Variants in ZNF148 observed in about 807,000 individuals in gnomAD.
ZNF148 encodes zinc finger protein 148.
ZNF148 carries 7 observed loss-of-function variants against 67.7 expected under a neutral mutation model. The observed-to-expected ratio is 0.10, with a 90% CI of 0.06 to 0.19. The LOEUF is 0.19. Among genes scored for constraint, ZNF148 ranks in the 10% least tolerant of loss-of-function variants. ZNF148 has a pLI of 1.00. For synonymous variants in ZNF148, 333 were observed against 330.7 expected (o/e 1.01, Z -0.08); for missense variants, 583 against 947.1 (o/e 0.62, Z 5.05).
Position 125,268,707 on chromosome 3 carries a change from T to C in ZNF148, c.667+9019A>G, listed in dbSNP as rs1170523963. ...ACAATGAAAACTGACAGGCAGGACA[T>C]AGTGGTTCATACCTGCAATCCTAGC... On this transcript the variant is annotated intron_variant, in intron 7 of 8. Transcript: ENST00000360647. Among the ~76,000 whole-genome samples, 9 of 152,160 alleles carry C rather than the reference T, an allele frequency of 5.9e-5. No individual in the cohort carries two copies. The South Asian group carries it at 8.3e-4, about 14-fold the overall frequency.
At position 125,233,076 on chromosome 3, in the gene ZNF148, G is replaced by A. The variant is rs1935928586; in HGVS notation, c.1650C>T (p.His550=). 6.2e-7 allele frequency: 1 copy of A among 1,613,364 alleles called. No homozygotes were observed. The highest frequency in any genetic ancestry group is 8.5e-7 in the Non-Finnish European group (1 of 1,179,856). ...VLQTLLDHYS[H]KANGQHEISF... ...ATATCTCATGCTGTCCATTAGCTTTGTGGGAATAATGATCCAACAGAGTCT... is the reference window on the plus strand; with the variant it reads ...ATATCTCATGCTGTCCATTAGCTTTATGGGAATAATGATCCAACAGAGTCT... The change falls in exon 9 of 9, where the codon CAC becomes CAT. Residue 550 remains histidine (H), a synonymous_variant. Transcript: ENST00000360647. This position sits in a 1 kb window ranked among gnomAD's most constrained non-coding sequence, Gnocchi z 5.1.
intron 1 of ZNF148, among the ~76,000 whole-genome samples, chr3:125,346,373 A>AAGT (rs1941942688): frequency 1.3e-5 from 2 of 151,704 alleles, no homozygotes; most frequent in Admixed American, 6.6e-5. Context: ...TTCAAAAGTA[A>AAGT]AATAAGTGCT....
chr3:125,310,042 AAC>A (rs1940114297), intron 4 of ZNF148, among the ~76,000 whole-genome samples: 1 of 151,936 alleles, frequency 6.6e-6, no homozygotes, highest in African/African-American at 2.4e-5. Context: ...GATATTAAAC[AAC>A]ACACTTCTAA....
intron 7 of ZNF148, among the ~76,000 whole-genome samples, chr3:125,244,585 C>A (rs1936512338): frequency 6.6e-6 from 1 of 152,006 alleles, no homozygotes; most frequent in African/African-American, 2.4e-5. Context: ...GCAACCTCCA[C>A]CTCCCTGGTT....
intron 1 of ZNF148, among the ~76,000 whole-genome samples, chr3:125,365,584 G>A (rs914290366): frequency 6.6e-6 from 1 of 152,186 alleles, no homozygotes; most frequent in Non-Finnish European, 1.5e-5. Context: ...TTGGGAAGCT[G>A]AGGGAGGGGA....
intron 3 of ZNF148, among the ~76,000 whole-genome samples, chr3:125,318,836 A>C (rs1471371647): frequency 6.6e-6 from 1 of 152,116 alleles, no homozygotes; most frequent in African/African-American, 2.4e-5. Context: ...ATTTCTCCTA[A>C]ATCTCCCTTT....
intron 1 of ZNF148, among the ~76,000 whole-genome samples, chr3:125,365,052 T>G (rs1254985736): frequency 6.6e-6 from 1 of 152,194 alleles, no homozygotes; most frequent in African/African-American, 2.4e-5. Flanking sequence ...CACCAATTTC[T>G]CCACAAAGCC....
chr3:125,271,914 G>T (rs377247826), intron 7 of ZNF148, among the ~76,000 whole-genome samples: 2 of 152,222 alleles, frequency 1.3e-5, no homozygotes, highest in East Asian at 3.9e-4. Flanking sequence ...GTCTGCCTCA[G>T]TTTTAACTTG....
chr3:125,307,463 C>T (rs1257469175), intron 4 of ZNF148, among the ~76,000 whole-genome samples: 2 of 152,086 alleles, frequency 1.3e-5, no homozygotes, highest in East Asian at 1.9e-4. Flanking sequence ...CTACCACGCC[C>T]GGCTAATTTT....
intron 4 of ZNF148, 117 bp from the exon 5 acceptor site, chr3:125,288,345 T>C: frequency 3.7e-6 from 4 of 1,074,778 alleles, no homozygotes; most frequent in Non-Finnish European, 5.2e-6. Flanking sequence ...AGAATGATGA[T>C]CTATGTGTGT....
intron 1 of ZNF148, among the ~76,000 whole-genome samples, chr3:125,336,843 A>G (rs964980231): frequency 6.6e-6 from 1 of 151,350 alleles, no homozygotes; most frequent in East Asian, 1.9e-4. Context: ...TGCTCAGCTA[A>G]TTTTTTGTAT....
intron 1 of ZNF148, among the ~76,000 whole-genome samples, chr3:125,349,057 C>A (rs904561737): frequency 6.6e-6 from 1 of 152,160 alleles, no homozygotes; most frequent in Non-Finnish European, 1.5e-5. Flanking sequence ...AAGTTTGACC[C>A]TCATTTTACA....
At chr3:125,324,347 C>A (rs1384473339) in intron 2 of ZNF148, among the ~76,000 whole-genome samples, 3 of 152,108 alleles carry the variant, frequency 2.0e-5, no homozygotes, top group Non-Finnish European at 4.4e-5. Flanking sequence ...ACATAAAATT[C>A]TAGTGGCCAA....
At position 125,323,292 on chromosome 3, in the gene ZNF148, A is replaced by G. The variant is rs992693745; in HGVS notation, c.-17+17T>C. 6 of 580,174 alleles carry G rather than the reference A, an allele frequency of 1.0e-5. No individual in the cohort carries two copies. Among genetic ancestry groups the G allele is most frequent in the Admixed American group, 1.0e-4 (3 of 29,794 alleles). The allele number at this position is 580,174 out of a possible 1,614,324, so 35.9% of individuals were successfully genotyped here. A position where few individuals can be genotyped will look rare whatever the true frequency, so the allele number is the denominator to read the frequency against. On this transcript the variant is annotated intron_variant, in intron 3 of 8. Transcript: ENST00000360647. The stretch of plus-strand genomic sequence containing the variant: ...ACTTATTTATTCAAGATTATGAAAA[A>G]TAAGTATTAAAATTACCCGAGACTA...
intron 4 of ZNF148, among the ~76,000 whole-genome samples, chr3:125,304,316 G>A (rs1375721788): frequency 6.6e-6 from 1 of 152,132 alleles, no homozygotes; most frequent in Non-Finnish European, 1.5e-5. Flanking sequence ...GAAAAGGGCA[G>A]CCTGGACCAC....
intron 3 of ZNF148, among the ~76,000 whole-genome samples, chr3:125,317,564 C>G (rs1288097648): frequency 6.7e-6 from 1 of 149,828 alleles, no homozygotes; most frequent in African/African-American, 2.5e-5. Context: ...AAAGGAATGA[C>G]GTTAGCATTA....
At chr3:125,240,209 G>A (rs1936286860) in intron 7 of ZNF148, among the ~76,000 whole-genome samples, 1 of 152,116 alleles carries the variant, frequency 6.6e-6, no homozygotes, top group Non-Finnish European at 1.5e-5. Context: ...ATTAACTGGA[G>A]AAAGCCGAGT....
chr3:125,277,659 T>A (rs1938146746), intron 7 of ZNF148, 67 bp downstream of exon 7: 7 of 1,383,898 alleles, frequency 5.1e-6, no homozygotes, highest in Non-Finnish European at 6.0e-6. Context: ...CTGCCACTTA[T>A]TAAAAATTCT....
At chr3:125,297,136 AAT>A (rs869267701) in intron 4 of ZNF148, among the ~76,000 whole-genome samples, 5 of 59,786 alleles carry the variant, frequency 8.4e-5, no homozygotes, top group East Asian at 2.6e-4. Context: ...AATTAAAAAA[AAT>A]ATTATTATCT....
Sources: gnomAD v4.1 joint callset for allele counts (sites outside exome capture counted in the v4.1 genomes callset) on GRCh38, gnomAD v4.1.1 for gene constraint, Gnocchi (gnomAD v3.1) non-coding constraint, MANE v1.5 for transcripts, NCBI Gene and HGNC (gene_info 2026-07-23, HGNC 2026-07-21) for gene names.